AGMO: variants seen among roughly 807,000 people sequenced by gnomAD.
AGMO encodes the protein glyceryl-ether monooxygenase.
In AGMO, 75 loss-of-function variants were observed where a neutral mutation model predicts 60.2. The ratio of observed to expected loss-of-function variants is 1.25; its 90% CI spans 1.03 to 1.51. The LOEUF (loss-of-function observed/expected upper bound fraction) is 1.51, where lower values mean the gene tolerates loss of function less well. Ranked by LOEUF, AGMO falls within the 40% of genes most tolerant of loss-of-function variation. AGMO has a pLI of 0.00. For synonymous variants in AGMO, 261 were observed against 177.1 expected (o/e 1.47, Z -3.76); for missense variants, 763 against 525.5 (o/e 1.45, Z -4.42).
chr7:15,437,531 CTTTTTTTTTT>C (rs201021445), intron 3 of AGMO, among the ~76,000 whole-genome samples: 2 of 120,602 alleles, frequency 1.7e-5, no homozygotes, highest in Non-Finnish European at 1.7e-5. Flanking sequence ...AAATTTTTTC[CTTTTTTTTTT>C]TTTTTTTTTT....
chr7:15,305,544 C>T (rs984989519), intron 12 of AGMO, among the ~76,000 whole-genome samples: 3 of 151,662 alleles, frequency 2.0e-5, no homozygotes, highest in Non-Finnish European at 2.9e-5. Context: ...TCCTGTGAGT[C>T]GAATGGTTAT....
intron 5 of AGMO, among the ~76,000 whole-genome samples, chr7:15,400,960 G>C (rs1299360614): frequency 6.6e-6 from 1 of 152,054 alleles, no homozygotes; most frequent in Non-Finnish European, 1.5e-5. Context: ...TACACATTAA[G>C]TTGAATAATG....
At chr7:15,253,156 A>C (rs1458353965) in intron 12 of AGMO, among the ~76,000 whole-genome samples, 2 of 152,204 alleles carry the variant, frequency 1.3e-5, no homozygotes, top group Non-Finnish European at 2.9e-5. Flanking sequence ...AAAAATTGAC[A>C]ACATGAAATA....
chr7:15,421,368 A>G (rs114868517), intron 4 of AGMO, among the ~76,000 whole-genome samples: 68 of 152,306 alleles, frequency 4.5e-4, no homozygotes, highest in African/African-American at 1.6e-3. Context: ...TGGCTAAACC[A>G]GAGAAGGGAG....
intron 12 of AGMO, among the ~76,000 whole-genome samples, chr7:15,213,698 G>A (rs1781658623): frequency 6.6e-6 from 1 of 151,882 alleles, no homozygotes; most frequent in Admixed American, 6.6e-5. Flanking sequence ...CTCCTCGATG[G>A]AGATAAGCTA....
intron 12 of AGMO, among the ~76,000 whole-genome samples, chr7:15,247,459 C>CACAGAGAGAGAGAGAG (rs139642069): frequency 1.7e-5 from 2 of 115,282 alleles, no homozygotes; most frequent in Non-Finnish European, 3.5e-5. Context: ...CACACACACA[C>CACAGAGAGAGAGAGAG]AGAGAGAGAG....
chr7:15,390,178 G>C (rs1265526125), intron 8 of AGMO, among the ~76,000 whole-genome samples: 1 of 151,780 alleles, frequency 6.6e-6, no homozygotes, highest in African/African-American at 2.4e-5. Flanking sequence ...AGAGAAAACT[G>C]GTCCAGTCCA....
chr7:15,519,281 C>A (rs970624596), intron 3 of AGMO, among the ~76,000 whole-genome samples: 2 of 151,796 alleles, frequency 1.3e-5, no homozygotes, highest in Admixed American at 1.3e-4. Context: ...GACAGGCCAA[C>A]ATTCAAATTC....
At chr7:15,489,505 C>T (rs980189979) in intron 3 of AGMO, among the ~76,000 whole-genome samples, 6 of 152,126 alleles carry the variant, frequency 3.9e-5, no homozygotes, top group Non-Finnish European at 5.9e-5. Context: ...CCAACCTGCA[C>T]GGCCAGGAAC....
At chr7:15,154,087 C>A in the AGMO span, among the ~76,000 whole-genome samples, 3 of 152,098 alleles carry the variant, frequency 2.0e-5, no homozygotes, top group Non-Finnish European at 2.9e-5. Context: ...GGAAATCAAA[C>A]TGTTACTGTT....
At chr7:15,534,650 A>G (rs949160634) in intron 3 of AGMO, among the ~76,000 whole-genome samples, 10 of 151,940 alleles carry the variant, frequency 6.6e-5, no homozygotes, top group African/African-American at 2.2e-4. Context: ...ATAGAAATCA[A>G]TATGACATTC....
chr7:15,354,992 G>A (rs1484973269), intron 12 of AGMO, among the ~76,000 whole-genome samples: 2 of 152,052 alleles, frequency 1.3e-5, no homozygotes, highest in South Asian at 2.1e-4. Flanking sequence ...CATGGCTAAT[G>A]AACAGGTAAA....
downstream of AGMO, among the ~76,000 whole-genome samples, chr7:15,198,235 G>GAGAC (rs1781177761): frequency 8.7e-6 from 1 of 114,458 alleles, no homozygotes; most frequent in African/African-American, 4.6e-5. Context: ...GAGAGAGAGA[G>GAGAC]AGAGAGAGAG....
chr7:15,475,262 T>C (rs1360229966), intron 3 of AGMO, among the ~76,000 whole-genome samples: 1 of 152,130 alleles, frequency 6.6e-6, no homozygotes, highest in Non-Finnish European at 1.5e-5. Context: ...TGCAGTACTA[T>C]TCACAATAGC....
At chr7:15,387,592 T>A (rs1409699871) in intron 8 of AGMO, 52 bp from the exon 9 acceptor site, 1 of 1,486,688 alleles carries the variant, frequency 6.7e-7, no homozygotes. Context: ...TAGGAAAGAT[T>A]AAATACCAAA....
chr7:15,279,774 C>T (rs1783909182), intron 12 of AGMO, among the ~76,000 whole-genome samples: 1 of 152,178 alleles, frequency 6.6e-6, no homozygotes, highest in Non-Finnish European at 1.5e-5. Context: ...CTAGGATTCA[C>T]ACTCCCTTGT....
At position 15,449,756 on chromosome 7, in the gene AGMO, T is replaced by C. The variant is rs535746170; in HGVS notation, c.410-18648A>G. Among the ~76,000 whole-genome samples, 302 of 152,332 alleles carry C rather than the reference T, an allele frequency of 2.0e-3. 1 individual carries two copies. Among genetic ancestry groups the C allele is most frequent in the African/African-American group, 6.6e-3 (276 of 41,576 alleles). On this transcript the variant is annotated intron_variant, in intron 3 of 12. Coordinates refer to ENST00000342526, the MANE Select transcript of AGMO (RefSeq NM_001004320.2). ...GACATTGATATTAAACCAGCAGACG[T>C]TGGTTTAAAAGTACTACTTATTTTT...
At chr7:15,191,337 A>G in the AGMO span, among the ~76,000 whole-genome samples, 11 of 152,150 alleles carry the variant, frequency 7.2e-5, no homozygotes, top group African/African-American at 1.9e-4. Flanking sequence ...AGGGATTCTT[A>G]TATTTTAGGT....
At chr7:15,426,089 A>T (rs969611890) in intron 4 of AGMO, among the ~76,000 whole-genome samples, 10 of 152,176 alleles carry the variant, frequency 6.6e-5, no homozygotes, top group African/African-American at 2.4e-4. Flanking sequence ...CTATACTGTA[A>T]TTTTTGGAGT....
Sources: gnomAD v4.1 joint callset for allele counts (sites outside exome capture counted in the v4.1 genomes callset) on GRCh38, gnomAD v4.1.1 for gene constraint, MANE v1.5 for transcripts, NCBI Gene and HGNC (gene_info 2026-07-23, HGNC 2026-07-21) for gene names.